The following EVL variants were observed in gnomAD, a reference collection of about 807,000 sequenced individuals.
EVL encodes the protein Enah/Vasp-like, also known as ena/VASP-like protein.
Under a neutral mutation model 59.6 loss-of-function variants are expected in EVL, and 21 were observed. The observed-to-expected ratio is 0.35, with a 90% confidence interval of 0.25 to 0.51. EVL has a LOEUF of 0.51. Ranked by LOEUF, EVL falls within the 20% of genes least tolerant of loss-of-function variation. EVL has a pLI of 0.97. For missense variants in EVL, 462 were observed against 546.6 expected, an observed-to-expected ratio of 0.85 and a Z score of 1.54; for synonymous variants, 198 against 203.5, an observed-to-expected ratio of 0.97 and a Z score of 0.23.
chr14:100,129,615 C>A lies in EVL; in HGVS notation c.770C>A (p.Ala257Asp). Reference protein sequence around the residue: ...SSPSGTSKSDANRASSGGGGG... With the variant: ...SSPSGTSKSDDNRASSGGGGG... Reference sequence around the variant, plus strand: ...CCCAGTGGGACCTCAAAGTCCGATGCCAACCGGGCAAGCAGCGGGGGTGGC... The same window carrying A: ...CCCAGTGGGACCTCAAAGTCCGATGACAACCGGGCAAGCAGCGGGGGTGGC... Residue 257 changes from alanine (A) to aspartate (D), a missense_variant, in exon 7 of 14, where the codon GCC becomes GAC. Transcript: ENST00000392920. 3.7e-6 allele frequency: 6 copies of A among 1,613,416 alleles called. No individual in the cohort carries two copies. The highest frequency in any genetic ancestry group is 5.1e-6 in the Non-Finnish European group (6 of 1,179,766).
intron 1 of EVL, among the ~76,000 whole-genome samples, chr14:100,020,216 G>A (rs2061097183): frequency 6.6e-6 from 1 of 152,132 alleles, no homozygotes; most frequent in Non-Finnish European, 1.5e-5. Flanking sequence ...TGCCCTGATA[G>A]TGTTTTGTTA....
chr14:100,129,448 A>C, intron 6 of EVL, 115 bp from the exon 7 acceptor site: 2 of 1,468,912 alleles, frequency 1.4e-6, no homozygotes, highest in Non-Finnish European at 1.9e-6. Flanking sequence ...GGCCCCTTGC[A>C]GTGCTGCTGC....
At position 99,972,568 on chromosome 14, in the gene EVL, C is replaced by A. The variant is rs959940046; in HGVS notation, c.5+511C>A. ...TGTAGTTTCCCCTCGACTTGGAGCC[C>A]GTCAACCCCTTCGTCTCCTAATTCT... On this transcript the variant is annotated intron_variant, in intron 1 of 13. Coordinates refer to the EVL transcript ENST00000402714. This position sits in a 1 kb window ranked among gnomAD's most constrained non-coding sequence, Gnocchi z 4.4. Among the ~76,000 whole-genome samples the A allele has an allele frequency of 6.6e-6, 1 of 152,180 alleles. No individual in the cohort carries two copies. The highest frequency in any genetic ancestry group is 1.5e-5 in the Non-Finnish European group (1 of 68,034).
chr14:100,036,251 A>G (rs376178149), intron 1 of EVL, among the ~76,000 whole-genome samples: 4 of 152,178 alleles, frequency 2.6e-5, no homozygotes, highest in African/African-American at 7.2e-5. Flanking sequence ...ATCCCACCCC[A>G]GTCCATGGAA....
rs1886846493 is a variant in EVL at position 100,109,895 on chromosome 14, G to A, written c.358+12237G>A. 2.7e-6 allele frequency: 1 copy of A among 370,356 alleles called. No individual in the cohort carries two copies. Among genetic ancestry groups the A allele is most frequent in the Non-Finnish European group, 5.5e-6 (1 of 182,966 alleles). The allele number at this position is 370,356 out of a possible 1,614,324, so 22.9% of individuals were successfully genotyped here. A position where few individuals can be genotyped will look rare whatever the true frequency, so the allele number is the denominator to read the frequency against. On this transcript the variant is annotated intron_variant, in intron 3 of 13. Transcript: ENST00000392920. The surrounding 1 kb of genome is among the most constrained non-coding windows in gnomAD (Gnocchi z 4.3). Reference sequence around the variant, plus strand: ...TCTGGTTCCAGTACCAGCTGTGCCAGGAGTGTGCCCTTGGGCATGTCACTG... The same window carrying A: ...TCTGGTTCCAGTACCAGCTGTGCCAAGAGTGTGCCCTTGGGCATGTCACTG...
intron 13 of EVL, among the ~76,000 whole-genome samples, chr14:100,142,462 G>A (rs79850260): frequency 3.1e-4 from 47 of 152,294 alleles, no homozygotes; most frequent in African/African-American, 1.1e-3. Flanking sequence ...GTCTAGGGAC[G>A]AGCTATGCAG....
upstream of EVL, among the ~76,000 whole-genome samples, chr14:100,063,923 G>T (rs2061881204): frequency 6.6e-6 from 1 of 152,112 alleles, no homozygotes; most frequent in Non-Finnish European, 1.5e-5. Flanking sequence ...TTGGAAATAG[G>T]TAGCAACAGA....
At chr14:100,118,209 G>A (rs1887472817) in intron 3 of EVL, among the ~76,000 whole-genome samples, 1 of 152,148 alleles carries the variant, frequency 6.6e-6, no homozygotes, top group Non-Finnish European at 1.5e-5. Flanking sequence ...GTCTCAGCAG[G>A]CTATGAGGAA....
intron 1 of EVL, among the ~76,000 whole-genome samples, chr14:100,073,196 T>C (rs540304293): frequency 1.4e-4 from 22 of 152,124 alleles, no homozygotes; most frequent in African/African-American, 4.6e-4. Flanking sequence ...CTGCTTGAAA[T>C]GGTTCTTTGT....
rs1249673904 is a variant in EVL, at chr14:100,114,258, C to T, written c.359-9281C>T. On this transcript the variant is annotated intron_variant, in intron 3 of 13. Transcript: ENST00000392920. The surrounding 1 kb of genome is among the most constrained non-coding windows in gnomAD (Gnocchi z 5.0). ...AGTTTGGGGTGGTGCCAAATTTAGGCATGCCTCACAGGCATTCTCTGCACA... is the reference window on the plus strand; with the variant it reads ...AGTTTGGGGTGGTGCCAAATTTAGGTATGCCTCACAGGCATTCTCTGCACA... 1.3e-5 allele frequency among the ~76,000 whole-genome samples: 2 copies of T among 152,070 alleles called. No individual in the cohort carries two copies. The highest frequency in any genetic ancestry group is 2.9e-5 in the Non-Finnish European group (2 of 68,008).
At chr14:100,059,476 G>A (rs969684245) in intron 1 of EVL, among the ~76,000 whole-genome samples, 6 of 152,232 alleles carry the variant, frequency 3.9e-5, no homozygotes, top group African/African-American at 1.4e-4. Flanking sequence ...TTCTGTGTAA[G>A]GATTCTATTT....
In EVL at chr14:100,097,724, G is replaced by C. The variant is rs1885917257; in HGVS notation, c.358+66G>C. 3 of 1,471,870 alleles carry C rather than the reference G, an allele frequency of 2.0e-6. No homozygotes were observed. The East Asian group carries it at 6.9e-5, about 34-fold the overall frequency. The allele number at this position is 1,471,870 out of a possible 1,614,324, so 91.2% of individuals were successfully genotyped here. On this transcript the variant is annotated intron_variant, in intron 3 of 13. Transcript: ENST00000392920. Reference sequence around the variant, plus strand: ...CTTGTTCTACCTCTGCCCTCCCACAGCTCTGGCTCTCCGGGTATCCTAGCA... The same window carrying C: ...CTTGTTCTACCTCTGCCCTCCCACACCTCTGGCTCTCCGGGTATCCTAGCA...
At chr14:99,974,133 C>T (rs2060753944) in intron 1 of EVL, among the ~76,000 whole-genome samples, 1 of 152,064 alleles carries the variant, frequency 6.6e-6, no homozygotes, top group South Asian at 2.1e-4. Context: ...GTAAAATGTA[C>T]CCATTTAAAG....
intron 1 of EVL, among the ~76,000 whole-genome samples, chr14:100,007,213 A>G (rs1013919555): frequency 2.0e-5 from 3 of 152,030 alleles, no homozygotes; most frequent in Non-Finnish European, 2.9e-5. Context: ...TATGTAAGAT[A>G]TATATTGGTT....
chr14:100,005,667 A>ACC lies in EVL; in HGVS notation c.5+33611_5+33612insCC, dbSNP rs930101143. Among the ~76,000 whole-genome samples the ACC allele has an allele frequency of 6.1e-5, 9 of 147,130 alleles. No homozygotes were observed. The Middle Eastern group carries it at 0.011, about 174-fold the overall frequency. On this transcript the variant is annotated intron_variant, in intron 1 of 13. Transcript: ENST00000402714. ...CACACACACACACACACACACACAC[A>ACC]CACCCCTTGGATGTTACCTTTTAAT...
At chr14:100,136,869 G>T (rs1305295986) in intron 9 of EVL, among the ~76,000 whole-genome samples, 1 of 152,144 alleles carries the variant, frequency 6.6e-6, no homozygotes, top group Non-Finnish European at 1.5e-5. Flanking sequence ...TTTGCTCAAG[G>T]CCACACACCT....
chr14:100,131,648 G>T (rs369772441), intron 7 of EVL, among the ~76,000 whole-genome samples: 3 of 152,216 alleles, frequency 2.0e-5, no homozygotes, highest in African/African-American at 7.2e-5. Flanking sequence ...CTGGCTGCTG[G>T]GGGGTAGCTG....
At chr14:100,131,588 C>T (rs1888439946) in intron 7 of EVL, among the ~76,000 whole-genome samples, 1 of 152,228 alleles carries the variant, frequency 6.6e-6, no homozygotes, top group South Asian at 2.1e-4. Context: ...CGCCTACACT[C>T]CCCGTGAGCA....
upstream of EVL, among the ~76,000 whole-genome samples, chr14:100,063,653 C>T (rs1197077817): frequency 6.6e-6 from 1 of 152,158 alleles, no homozygotes; most frequent in Non-Finnish European, 1.5e-5. Context: ...AAACAAACAA[C>T]AGCAACAAAA....
Sources: allele counts gnomAD v4.1 joint callset (sites outside exome capture counted in the v4.1 genomes callset), GRCh38; gene constraint gnomAD v4.1.1; non-coding constraint Gnocchi (gnomAD v3.1); transcripts MANE v1.5; gene names NCBI Gene and HGNC (gene_info 2026-07-23, HGNC 2026-07-21).